The following PRKCH variants were observed in gnomAD, a reference collection of about 807,000 sequenced individuals.
PRKCH encodes the protein protein kinase C eta type.
PRKCH carries 28 observed loss-of-function variants against 82.5 expected under a neutral mutation model. The observed-to-expected ratio is 0.34, with a 90% CI of 0.25 to 0.47. PRKCH has a LOEUF of 0.47. Ranked by LOEUF, PRKCH falls within the 20% of genes least tolerant of loss-of-function variation. The pLI, the probability that PRKCH is intolerant of heterozygous loss-of-function variation, is 1.00. For synonymous variants in PRKCH, 322 were observed against 327.4 expected (o/e 0.98, Z 0.18); for missense variants, 705 against 881.8 (o/e 0.80, Z 2.54).
At chr14:61,306,022 T>G (rs1192389641) in intron 1 of PRKCH, 1 of 152,242 alleles carries the variant, frequency 6.6e-6, no homozygotes, top group Non-Finnish European at 1.5e-5. Flanking sequence ...CTCTTGATCT[T>G]GCTAGGCTTT....
chr14:61,522,000 G>A (rs561661254), intron 10 of PRKCH, among the ~76,000 whole-genome samples: 17 of 152,164 alleles, frequency 1.1e-4, no homozygotes, highest in East Asian at 1.9e-4. Flanking sequence ...TTATAGCTCC[G>A]AACCAGCCTT....
At chr14:61,318,369 T>C (rs1485448900), upstream of PRKCH, among the ~76,000 whole-genome samples, 1 of 149,388 alleles carries the variant, frequency 6.7e-6, no homozygotes, top group East Asian at 1.9e-4. Flanking sequence ...TAAAAAGTTT[T>C]TTTTTTTTTT....
Position 61,321,905 on chromosome 14 carries a change from T to A in PRKCH, c.-197T>A. Reference sequence around the variant, plus strand: ...GCGGCGGGCTCCCCTCCTTTCCACCTCGGGAGGGAGGGAAGGAGGGGAGGG... The same window carrying A: ...GCGGCGGGCTCCCCTCCTTTCCACCACGGGAGGGAGGGAAGGAGGGGAGGG... On this transcript the variant is annotated 5_prime_UTR_variant, in exon 1 of 14. Transcript: ENST00000332981. The surrounding 1 kb of genome is among the most constrained non-coding windows in gnomAD (Gnocchi z 4.1). 1 of 545,494 alleles carries A rather than the reference T, an allele frequency of 1.8e-6. No individual in the cohort carries two copies. Among genetic ancestry groups the A allele is most frequent in the Non-Finnish European group, 3.2e-6 (1 of 314,482 alleles). 33.8% of individuals were successfully genotyped at this position (545,494 alleles called of 1,614,324 possible).
intron 2 of PRKCH, among the ~76,000 whole-genome samples, chr14:61,420,520 A>G (rs1882782169): frequency 6.6e-6 from 1 of 152,226 alleles, no homozygotes; most frequent in South Asian, 2.1e-4. Context: ...TCTCCCCGGC[A>G]GACTCATCCT....
intron 10 of PRKCH, among the ~76,000 whole-genome samples, chr14:61,511,647 A>T (rs1338727804): frequency 6.6e-6 from 1 of 152,248 alleles, no homozygotes; most frequent in Non-Finnish European, 1.5e-5. Flanking sequence ...ATAAGATGGC[A>T]TAAATGCTTC....
At chr14:61,510,294 C>G (rs142205776) in intron 10 of PRKCH, among the ~76,000 whole-genome samples, 23 of 152,216 alleles carry the variant, frequency 1.5e-4, no homozygotes, top group African/African-American at 5.1e-4. Flanking sequence ...GAAATAAATG[C>G]AGTGTGTTAG....
chr14:61,301,653 T>G (rs900589026), intron 1 of PRKCH, among the ~76,000 whole-genome samples: 15 of 152,132 alleles, frequency 9.9e-5, no homozygotes, highest in Non-Finnish European at 2.9e-5. Flanking sequence ...ACCAGCCTGG[T>G]CAACATGGTG....
intron 10 of PRKCH, among the ~76,000 whole-genome samples, chr14:61,486,427 A>G (rs3783771): frequency 0.87 from 132,047 of 152,150 alleles, 59,047 homozygotes; most frequent in Non-Finnish European, 0.96. Context: ...GTGACACACA[A>G]TCTTTTGATC....
chr14:61,363,953 T>G (rs1351118761), intron 1 of PRKCH, among the ~76,000 whole-genome samples: 1 of 146,846 alleles, frequency 6.8e-6, no homozygotes, highest in Non-Finnish European at 1.5e-5. Context: ...TATATAAAAT[T>G]TTATATATAT....
At chr14:61,224,361 A>G (rs2044679164) in intron 1 of PRKCH, among the ~76,000 whole-genome samples, 1 of 152,206 alleles carries the variant, frequency 6.6e-6, no homozygotes. Flanking sequence ...AGCACTGACT[A>G]GTATGTTACT....
intron 12 of PRKCH, among the ~76,000 whole-genome samples, chr14:61,542,551 A>G (rs2043201985): frequency 6.6e-6 from 1 of 152,184 alleles, no homozygotes; most frequent in African/African-American, 2.4e-5. Flanking sequence ...TTATTTTCCA[A>G]AGACCATTCC....
At chr14:61,291,472 GGT>G (rs1451593330) in intron 1 of PRKCH, among the ~76,000 whole-genome samples, 1 of 152,090 alleles carries the variant, frequency 6.6e-6, no homozygotes, top group Non-Finnish European at 1.5e-5. Flanking sequence ...TGGGACTACA[GGT>G]GTGTGCCACC....
intron 10 of PRKCH, among the ~76,000 whole-genome samples, chr14:61,511,924 T>C (rs1177801378): frequency 6.6e-6 from 1 of 152,174 alleles, no homozygotes; most frequent in Non-Finnish European, 1.5e-5. Flanking sequence ...TAACTGCAGT[T>C]TTTATCTGAG....
intron 11 of PRKCH, among the ~76,000 whole-genome samples, chr14:61,529,913 AAT>A (rs1555396320): frequency 0.11 from 13,970 of 125,668 alleles, 687 homozygotes; most frequent in South Asian, 0.23. Flanking sequence ...AATAAAAAAA[AAT>A]ATATATATAT....
chr14:61,309,461 T>C (rs2045505759), intron 1 of PRKCH, among the ~76,000 whole-genome samples: 1 of 152,170 alleles, frequency 6.6e-6, no homozygotes, highest in South Asian at 2.1e-4. Flanking sequence ...GCAGAGCTGA[T>C]AACATTAATA....
At chr14:61,519,122 A>G (rs937594011) in intron 10 of PRKCH, among the ~76,000 whole-genome samples, 6 of 152,152 alleles carry the variant, frequency 3.9e-5, no homozygotes, top group Non-Finnish European at 8.8e-5. Flanking sequence ...ATCTCTACAA[A>G]AAATTTAAAG....
At chr14:61,352,683 AG>A (rs1276671003) in intron 1 of PRKCH, among the ~76,000 whole-genome samples, 176 of 131,512 alleles carry the variant, frequency 1.3e-3, no homozygotes, top group African/African-American at 4.8e-3. Context: ...AGAGAGAGAA[AG>A]GAAAGGAAAG....
chr14:61,472,423 G>A (rs756663477), intron 9 of PRKCH, among the ~76,000 whole-genome samples: 1 of 152,222 alleles, frequency 6.6e-6, no homozygotes, highest in Non-Finnish European at 1.5e-5. Context: ...GGTACATGTG[G>A]TTGGATTGTA....
At chr14:61,453,058 A>C (rs1474219906) in intron 6 of PRKCH, among the ~76,000 whole-genome samples, 168 bp from the exon 7 acceptor site, 1 of 152,226 alleles carries the variant, frequency 6.6e-6, no homozygotes, top group African/African-American at 2.4e-5. Flanking sequence ...AAATAGATAA[A>C]ATGTCAGGAA....
Sources: gnomAD v4.1 joint callset for allele counts (sites outside exome capture counted in the v4.1 genomes callset) on GRCh38, gnomAD v4.1.1 for gene constraint, Gnocchi (gnomAD v3.1) non-coding constraint, MANE v1.5 for transcripts, NCBI Gene and HGNC (gene_info 2026-07-23, HGNC 2026-07-21) for gene names.